HGS: variants seen among roughly 807,000 people sequenced by gnomAD.
The protein encoded by HGS is hepatocyte growth factor-regulated tyrosine kinase substrate, also known as human growth factor-regulated tyrosine kinase substrate.
Under a neutral mutation model 109.7 loss-of-function variants are expected in HGS, and 63 were observed. The ratio of observed to expected loss-of-function variants is 0.57; its 90% CI spans 0.47 to 0.71. The LOEUF (loss-of-function observed/expected upper bound fraction) is 0.71, where lower values mean the gene tolerates loss of function less well. HGS is among the 30% of genes least tolerant of loss of function. The pLI is 0.00. For missense variants in HGS, 995 were observed against 1,068.3 expected (o/e 0.93, Z 0.96); for synonymous variants, 546 against 437.3 (o/e 1.25, Z -3.10).
Position 81,694,865 on chromosome 17 carries a change from C to A in HGS, c.975+12C>A, listed in dbSNP as rs1360883060. 4 of 1,614,108 alleles carry A rather than the reference C, an allele frequency of 2.5e-6. No homozygotes were observed. The Admixed American group carries it at 6.7e-5, about 27-fold the overall frequency. Reference sequence around the variant, plus strand: ...ACATCGACCCTGAGGTAAGGCCCAGCATGGGGTGCATCCTCTCACGGTTTC... The same window carrying A: ...ACATCGACCCTGAGGTAAGGCCCAGAATGGGGTGCATCCTCTCACGGTTTC... On this transcript the variant is annotated intron_variant, in intron 12 of 21. Coordinates refer to ENST00000329138, the MANE Select transcript of HGS (RefSeq NM_004712.5).
At chr17:81,684,928 C>A in intron 1 of HGS, 3 of 985,342 alleles carry the variant, frequency 3.0e-6, no homozygotes, top group Non-Finnish European at 3.6e-6. Context: ...CAGAGGTTAA[C>A]TACTGAATCA....
chr17:81,688,842 A>C lies in HGS; in HGVS notation c.415+15A>C. 6.2e-7 allele frequency: 1 copy of C among 1,614,014 alleles called. No homozygotes were observed. The highest frequency in any genetic ancestry group is 1.1e-5 in the South Asian group (1 of 91,066). On this transcript the variant is annotated intron_variant, in intron 5 of 21. Coordinates refer to ENST00000329138, the MANE Select transcript of HGS (RefSeq NM_004712.5). ...GAAGGTGGAGGGTGAGTCAGGACTG[A>C]GGTTGGGACCAGGTTGAGGCTTGGA...
At position 81,701,639 on chromosome 17, in the gene HGS, G is replaced by C. The variant is rs373222907; in HGVS notation, c.*21G>C. 1.3e-6 allele frequency: 2 copies of C among 1,540,752 alleles called. No homozygotes were observed. Among genetic ancestry groups the C allele is most frequent in the African/African-American group, 2.7e-5 (2 of 73,138 alleles). ...ACTGACCCAGGCCATGCTCACGTCC[G>C]GAGTAACACTACATACAGTTCACCT... On this transcript the variant is annotated 3_prime_UTR_variant, in exon 22 of 22. Coordinates refer to ENST00000329138, the MANE Select transcript of HGS (RefSeq NM_004712.5).
rs987602890 is a variant in HGS at position 81,691,928 on chromosome 17, G to A, written c.662+357G>A. On this transcript the variant is annotated intron_variant, in intron 8 of 21. Transcript: ENST00000329138. The surrounding 1 kb of genome is among the most constrained non-coding windows in gnomAD (Gnocchi z 5.3). Reference sequence around the variant, plus strand: ...GCGGGGCCGCGGCCAGTGCCTCAGCGGTGGGAACCTGCGGGGCCGCGGCCG... The same window carrying A: ...GCGGGGCCGCGGCCAGTGCCTCAGCAGTGGGAACCTGCGGGGCCGCGGCCG... 7 of 204,518 alleles carry A rather than the reference G, an allele frequency of 3.4e-5. No homozygotes were observed. The South Asian group carries it at 3.9e-4, about 11-fold the overall frequency. 12.7% of individuals were successfully genotyped at this position (204,518 alleles called of 1,614,324 possible). A position where few individuals can be genotyped will look rare whatever the true frequency, so the allele number is the denominator to read the frequency against.
At position 81,691,270 on chromosome 17, in the gene HGS, C is replaced by T. The variant is rs34033471; in HGVS notation, c.538-177C>T. 47,414 of 712,670 alleles carry T rather than the reference C, an allele frequency of 0.067. 2,559 individuals are homozygous for T. The highest frequency in any genetic ancestry group is 0.26 in the East Asian group (10,147 of 38,502). 44.1% of individuals were successfully genotyped at this position (712,670 alleles called of 1,614,324 possible). A position where few individuals can be genotyped will look rare whatever the true frequency, so the allele number is the denominator to read the frequency against. ...AAACGGTGGCTGGCGTTGAGACTCC[C>T]GGGAGCATGTCCAGGTTCCCCGGCC... On this transcript the variant is annotated intron_variant, in intron 7 of 21. Transcript: ENST00000329138. The surrounding 1 kb of genome is among the most constrained non-coding windows in gnomAD (Gnocchi z 5.3).
rs779391574 is a variant in HGS, at chr17:81,690,186, C to T, written c.420C>T (p.His140=). The change falls in exon 6 of 22, where the codon CAC becomes CAT. Residue 140 remains histidine, a synonymous_variant. Coordinates refer to ENST00000329138, the MANE Select transcript of HGS (RefSeq NM_004712.5). ...DTYQIMKVEG[H]VFPEFKESDA... ...ACTATGGCTTCATCTCTCCAGGGCA[C>T]GTCTTTCCAGAATTCAAAGAGAGCG... 1.4e-5 allele frequency: 23 copies of T among 1,613,578 alleles called. No homozygotes were observed. In the South Asian group the frequency reaches 2.0e-4, roughly 14 times the overall value.
intron 18 of HGS, among the ~76,000 whole-genome samples, chr17:81,698,671 A>C (rs974336816): frequency 6.6e-6 from 1 of 152,176 alleles, no homozygotes; most frequent in African/African-American, 2.4e-5. Flanking sequence ...TCACAGCTCT[A>C]GGTTGTTAGC....
intron 8 of HGS, chr17:81,693,110 C>T (rs1468959244): frequency 2.5e-5 from 5 of 202,592 alleles, no homozygotes; most frequent in East Asian, 2.3e-4. Context: ...CTGCCTGGGG[C>T]GCCCCGGAAG....
At position 81,696,657 on chromosome 17, in the gene HGS, G is replaced by A. The variant is rs747062030; in HGVS notation, c.1617G>A (p.Gln539=). The change falls in exon 17 of 22, where the codon CAG becomes CAA. Residue 539 remains glutamine (Q), a synonymous_variant. Transcript: ENST00000329138. ...RQLAIQRLQE[Q]EKERQMRLEQ... ...TGGCCATCCAGCGCCTGCAGGAGCA[G>A]GAGAAGGAGCGGCAGATGCGGCTGG... The A allele has an allele frequency of 5.0e-6, 8 of 1,612,018 alleles. No individual in the cohort carries two copies. Among genetic ancestry groups the A allele is most frequent in the Non-Finnish European group, 6.8e-6 (8 of 1,179,596 alleles).
chr17:81,699,554 TA>T (rs1176875902), intron 18 of HGS, among the ~76,000 whole-genome samples: 4 of 152,214 alleles, frequency 2.6e-5, no homozygotes, highest in Non-Finnish European at 5.9e-5. Context: ...GCCTCCTGCG[TA>T]GCTGGGATTA....
intron 1 of HGS, among the ~76,000 whole-genome samples, chr17:81,685,251 T>G (rs910149064): frequency 3.9e-5 from 6 of 152,144 alleles, no homozygotes; most frequent in Non-Finnish European, 8.8e-5. Context: ...TAGGGTTCTT[T>G]GTTGAGAAGC....
chr17:81,684,749 A>C (rs1013995126), intron 1 of HGS, among the ~76,000 whole-genome samples: 1 of 152,130 alleles, frequency 6.6e-6, no homozygotes, highest in African/African-American at 2.4e-5. Flanking sequence ...AATGCGTCTA[A>C]TGTTTGGGGG....
chr17:81,696,128 G>T (rs563835309), intron 15 of HGS, 129 bp downstream of exon 15: 3 of 958,724 alleles, frequency 3.1e-6, no homozygotes, highest in Non-Finnish European at 4.5e-6. Flanking sequence ...GCTTCCTCCA[G>T]AGAGTGTCAA....
chr17:81,690,625 G>A (rs1400213931), intron 6 of HGS, 49 bp from the exon 7 acceptor site: 1 of 1,569,862 alleles, frequency 6.4e-7, no homozygotes, highest in Non-Finnish European at 8.7e-7. Flanking sequence ...TGTGCCTCTG[G>A]GGCTGGTGGG....
rs1568218207 is a variant in HGS at position 81,696,909 on chromosome 17, CGGT to C, written c.1796_1798del (p.Val599del). The C allele has an allele frequency of 1.1e-5, 17 of 1,608,876 alleles. No homozygotes were observed. The highest frequency in any genetic ancestry group is 1.4e-5 in the Non-Finnish European group (16 of 1,179,802). On this transcript the variant is annotated inframe_deletion, in exon 18 of 22. Coordinates refer to ENST00000329138, the MANE Select transcript of HGS (RefSeq NM_004712.5). ...CCCAGCACCTTCAGCCCTGCCGGCTCGGTGGAGGGCTCCCCAATGCACGGCGTG... is the reference window on the plus strand; with the variant it reads ...CCCAGCACCTTCAGCCCTGCCGGCTCGGAGGGCTCCCCAATGCACGGCGTG...
rs749656472 is a variant in HGS at position 81,701,100 on chromosome 17, A to C, written c.2192A>C (p.Tyr731Ser). 9.3e-6 allele frequency: 15 copies of C among 1,613,990 alleles called. No individual in the cohort carries two copies. Among genetic ancestry groups the C allele is most frequent in the Non-Finnish European group, 1.3e-5 (15 of 1,180,008 alleles). The change falls in exon 21 of 22, where the codon TAC becomes TCC. Residue 731 changes from tyrosine (Y) to serine (S), a missense_variant. Physicochemically the swap from Tyr to Ser is moderately radical, Grantham distance 144 (BLOSUM62 -2). This residue lies in a region of HGS where 326 missense variants were observed against 309.7 expected (regional missense o/e 1.05). Transcript: ENST00000329138. ...QDASLPPQQP[Y>S]IAGQQPMYQQ... The stretch of plus-strand genomic sequence containing the variant: ...GCGTCTCTGCCACCCCAGCAGCCCT[A>C]CATCGCGGGGCAGCAGCCCATGTAC...
In HGS at chr17:81,701,516, C is replaced by T; in HGVS notation, c.2232C>T (p.Pro744=). Residue 744 remains proline, a synonymous_variant, in exon 22 of 22, where the codon CCC becomes CCT. Coordinates refer to ENST00000329138, the MANE Select transcript of HGS (RefSeq NM_004712.5). The stretch of plus-strand genomic sequence containing the variant: ...GCTTTCCTCCTGCACAGATGGCACC[C>T]TCTGGCGGTCCCCCCCAGCAGCAGC... The part of the protein sequence containing the change: ...GQQPMYQQMA[P]SGGPPQQQPP... 1 of 1,557,304 alleles carries T rather than the reference C, an allele frequency of 6.4e-7. No individual in the cohort carries two copies. The highest frequency in any genetic ancestry group is 8.6e-7 in the Non-Finnish European group (1 of 1,158,120).
chr17:81,693,560 C>T lies in HGS; in HGVS notation c.720C>T (p.Ser240=), dbSNP rs765889284. ...TTELPPEYLT[S]PLSQQSQLPP... ...AGCTGCCCCCCGAGTACCTGACCAGCCCCCTGTCTCAGCAGTCCCAGGTAC... is the reference window on the plus strand; with the variant it reads ...AGCTGCCCCCCGAGTACCTGACCAGTCCCCTGTCTCAGCAGTCCCAGGTAC... Residue 240 remains serine (S), a synonymous_variant, in exon 9 of 22, where the codon AGC becomes AGT. Transcript: ENST00000329138. The T allele has an allele frequency of 3.1e-6, 5 of 1,611,008 alleles. No individual in the cohort carries two copies. The highest frequency in any genetic ancestry group is 1.7e-5 in the Admixed American group (1 of 59,896).
intron 15 of HGS, 160 bp downstream of exon 15, chr17:81,696,159 G>A: frequency 1.2e-5 from 10 of 845,328 alleles, no homozygotes; most frequent in Non-Finnish European, 1.7e-5. Flanking sequence ...TCTCAGTGAT[G>A]ACCATGCCCT....
Sources: gnomAD v4.1 joint callset for allele counts (sites outside exome capture counted in the v4.1 genomes callset) on GRCh38, gnomAD v4.1.1 for gene constraint, gnomAD v4.1.1 regional missense constraint, Gnocchi (gnomAD v3.1) non-coding constraint, MANE v1.5 for transcripts, NCBI Gene and HGNC (gene_info 2026-07-23, HGNC 2026-07-21) for gene names.